UGT1A3: variants seen among roughly 807,000 people sequenced by gnomAD.
UGT1A3 encodes the protein UDP glucuronosyltransferase family 1 member A3.
UGT1A3 carries 31 observed loss-of-function variants against 41.0 expected under a neutral mutation model. The ratio of observed to expected loss-of-function variants is 0.76; its 90% CI spans 0.57 to 1.02. UGT1A3 has a LOEUF of 1.02. UGT1A3 is among the 50% of genes least tolerant of loss of function. UGT1A3 has a pLI of 0.00. For missense variants in UGT1A3, 737 were observed against 671.0 expected (o/e 1.10, Z -1.09); for synonymous variants, 262 against 257.6 (o/e 1.02, Z -0.17).
In UGT1A3 at chr2:233,772,799, AT is replaced by A; in HGVS notation, c.*245del. 3 of 1,169,378 alleles carry A rather than the reference AT, an allele frequency of 2.6e-6. No homozygotes were observed. The highest frequency in any genetic ancestry group is 3.4e-6 in the Non-Finnish European group (3 of 874,384). 72.4% of individuals were successfully genotyped at this position (1,169,378 alleles called of 1,614,324 possible). ...GTCTTTGATCAGGATGACATGTGCC[AT>A]TTTTCAGAGGACGTGCAGACAGGCT... is the stretch of plus-strand genomic sequence containing the variant. On this transcript the variant is annotated 3_prime_UTR_variant, in exon 5 of 5. Transcript: ENST00000482026.
intron 1 of UGT1A3, among the ~76,000 whole-genome samples, chr2:233,757,319 C>T (rs999230342): frequency 1.7e-4 from 25 of 147,060 alleles, no homozygotes; most frequent in Non-Finnish European, 3.3e-4. Flanking sequence ...GGGGCTGGGG[C>T]CCTGAAATGG....
In UGT1A3 at chr2:233,746,570, C is replaced by T. The variant is rs537470722; in HGVS notation, c.867+16577C>T. Among the ~76,000 whole-genome samples the T allele has an allele frequency of 1.8e-3, 270 of 151,834 alleles. 4 individuals are homozygous for T. The highest frequency in any genetic ancestry group is 3.0e-3 in the Non-Finnish European group (201 of 68,008). ...CTTCTTAGCCCCTAGAGCACCACACCCTGTAATTGCCTAGTTGTGAGTTTG... is the reference window on the plus strand; with the variant it reads ...CTTCTTAGCCCCTAGAGCACCACACTCTGTAATTGCCTAGTTGTGAGTTTG... On this transcript the variant is annotated intron_variant, in intron 1 of 4. Coordinates refer to ENST00000482026, the MANE Select transcript of UGT1A3 (RefSeq NM_019093.4).
chr2:233,760,943 A>G (rs1487587152), intron 1 of UGT1A3: 1 of 1,614,220 alleles, frequency 6.2e-7, no homozygotes, highest in South Asian at 1.1e-5. Context: ...GCCTTTTCAC[A>G]GAACTTTCTG....
intron 1 of UGT1A3, among the ~76,000 whole-genome samples, chr2:233,757,238 GT>G (rs1696448316): frequency 6.7e-6 from 1 of 149,106 alleles, no homozygotes; most frequent in Admixed American, 6.7e-5. Context: ...AGAAGTGGTG[GT>G]GAGGTGGGGT....
chr2:233,743,440 G>C (rs192671736), intron 1 of UGT1A3: 1 of 1,361,822 alleles, frequency 7.3e-7, no homozygotes, highest in South Asian at 1.1e-5. Context: ...ACGAAATCCT[G>C]TATCAAAAGA....
At chr2:233,746,220 C>T (rs753695127) in intron 1 of UGT1A3, among the ~76,000 whole-genome samples, 8 of 151,652 alleles carry the variant, frequency 5.3e-5, no homozygotes, top group African/African-American at 2.0e-4. Context: ...ATAGCAAGGA[C>T]AGATATGCAA....
chr2:233,739,954 C>G lies in UGT1A3; in HGVS notation c.867+9961C>G, dbSNP rs28900075. On this transcript the variant is annotated intron_variant, in intron 1 of 4. Coordinates refer to ENST00000482026, the MANE Select transcript of UGT1A3 (RefSeq NM_019093.4). Reference sequence around the variant, plus strand: ...TGTTAAGGTTGGTACCTGGTGGGAGCTGATTGAATCATATCGGCAGTTTTC... The same window carrying G: ...TGTTAAGGTTGGTACCTGGTGGGAGGTGATTGAATCATATCGGCAGTTTTC... Among the ~76,000 whole-genome samples the G allele has an allele frequency of 3.7e-4, 56 of 151,998 alleles. No homozygotes were observed. In the East Asian group the frequency reaches 0.011, roughly 29 times the overall value.
chr2:233,755,331 G>T, intron 1 of UGT1A3: 2 of 462,216 alleles, frequency 4.3e-6, no homozygotes, highest in South Asian at 1.9e-5. Context: ...GCCAGCACCC[G>T]CGCACAGGTC....
At chr2:233,747,496 G>A in intron 1 of UGT1A3, 1 of 1,608,732 alleles carries the variant, frequency 6.2e-7, no homozygotes, top group Non-Finnish European at 8.5e-7. Context: ...CTTGTGCTGG[G>A]CCACACTCAA....
intron 1 of UGT1A3, chr2:233,760,248 A>ATT (rs606231201): frequency 6.2e-7 from 1 of 1,609,150 alleles, no homozygotes; most frequent in South Asian, 1.1e-5. Context: ...ATATATATAT[A>ATT]AGTAGGAGAG....
At chr2:233,747,362 G>C (rs765094554) in intron 1 of UGT1A3, 99 of 1,603,664 alleles carry the variant, frequency 6.2e-5, no homozygotes, top group Non-Finnish European at 7.6e-5. Flanking sequence ...CCGTGCGGGA[G>C]CTCCATGCCA....
chr2:233,749,952 C>T (rs1450236503), intron 1 of UGT1A3, among the ~76,000 whole-genome samples: 1 of 151,854 alleles, frequency 6.6e-6, no homozygotes, highest in Non-Finnish European at 1.5e-5. Flanking sequence ...ATTACCGAGT[C>T]TTGGGTATGT....
Position 233,729,873 on chromosome 2 carries a change from C to G in UGT1A3, c.747C>G (p.Leu249=). The change falls in exon 1 of 5, where the codon CTC becomes CTG. Residue 249 remains leucine (L), a synonymous_variant. Transcript: ENST00000482026. The stretch of plus-strand genomic sequence containing the variant: ...GAGAGGTGTCAGTGGTGGATATTCT[C>G]AGTCATGCATCTGTGTGGCTGTTCC... ...FQREVSVVDI[L]SHASVWLFRG... 4 of 1,613,864 alleles carry G rather than the reference C, an allele frequency of 2.5e-6. No homozygotes were observed. The highest frequency in any genetic ancestry group is 3.4e-6 in the Non-Finnish European group (4 of 1,179,862).
At chr2:233,758,938 C>A (rs1697023841) in intron 1 of UGT1A3, among the ~76,000 whole-genome samples, 1 of 152,234 alleles carries the variant, frequency 6.6e-6, no homozygotes, top group Non-Finnish European at 1.5e-5. Flanking sequence ...GACTTCAAAT[C>A]AGTCATCAGA....
intron 1 of UGT1A3, among the ~76,000 whole-genome samples, chr2:233,752,797 G>C (rs766471839): frequency 2.6e-5 from 4 of 152,148 alleles, no homozygotes; most frequent in Non-Finnish European, 5.9e-5. Flanking sequence ...TTACACTTCT[G>C]TAGAAGGAAC....
At chr2:233,762,713 C>T (rs1377918494) in intron 1 of UGT1A3, among the ~76,000 whole-genome samples, 1 of 150,748 alleles carries the variant, frequency 6.6e-6, no homozygotes, top group South Asian at 2.1e-4. Context: ...AAGTATTTTA[C>T]ACGGTTTTTT....
rs574132609 is a variant in UGT1A3, at chr2:233,741,478, G to A, written c.867+11485G>A. The A allele has an allele frequency of 8.6e-5, 13 of 151,780 alleles. 2 individuals carry two copies. Among genetic ancestry groups the A allele is most frequent in the African/African-American group, 2.4e-4 (10 of 41,054 alleles). The allele number at this position is 151,780 out of a possible 1,614,324, so 9.4% of individuals were successfully genotyped here. A position where few individuals can be genotyped will look rare whatever the true frequency, so the allele number is the denominator to read the frequency against. ...TATCTTCACACATGTAAGTTCCCTCGTCTGATGTACAAAAAACTGAACTCA... is the reference window on the plus strand; with the variant it reads ...TATCTTCACACATGTAAGTTCCCTCATCTGATGTACAAAAAACTGAACTCA... On this transcript the variant is annotated intron_variant, in intron 1 of 4. Transcript: ENST00000482026.
chr2:233,730,323 CA>C lies in UGT1A3; in HGVS notation c.867+331del, dbSNP rs2078014801. Among the ~76,000 whole-genome samples the C allele has an allele frequency of 2.0e-5, 3 of 152,152 alleles. No homozygotes were observed. The South Asian group carries it at 6.2e-4, about 32-fold the overall frequency. ...TCCTTCAGCTTGGCAGGAACAGGGA[CA>C]CTACGTTTGGAACTGATCCATCCTG... On this transcript the variant is annotated intron_variant, in intron 1 of 4. Transcript: ENST00000482026.
At chr2:233,753,147 TA>T (rs1254691339) in intron 1 of UGT1A3, 35 of 152,236 alleles carry the variant, frequency 2.3e-4, no homozygotes, top group African/African-American at 7.5e-4. Context: ...TTCACACATG[TA>T]AGTTCCCTTA....
Sources: gnomAD v4.1 joint callset for allele counts (sites outside exome capture counted in the v4.1 genomes callset) on GRCh38, gnomAD v4.1.1 for gene constraint, MANE v1.5 for transcripts, NCBI Gene and HGNC (gene_info 2026-07-23, HGNC 2026-07-21) for gene names.